The following GRID1 variants were observed in gnomAD, a reference collection of about 807,000 sequenced individuals.
GRID1 encodes glutamate ionotropic receptor delta type subunit 1, also known as glutamate receptor ionotropic, delta-1.
A neutral mutation model predicts 98.0 loss-of-function variants in GRID1; 28 were observed. The observed-to-expected ratio is 0.29, with a 90% confidence interval of 0.21 to 0.39. The LOEUF is 0.39. Ranked by LOEUF, GRID1 falls within the 10% of genes least tolerant of loss-of-function variation. GRID1 has a pLI of 1.00. For synonymous variants in GRID1, 553 were observed against 538.5 expected, an observed-to-expected ratio of 1.03 and a Z score of -0.37; for missense variants, 1,111 against 1,340.5, an observed-to-expected ratio of 0.83 and a Z score of 2.67.
intron 2 of GRID1, among the ~76,000 whole-genome samples, chr10:86,319,532 C>G (rs984320327): frequency 3.3e-5 from 5 of 152,180 alleles, no homozygotes; most frequent in African/African-American, 1.2e-4. Context: ...TCCCCTCCCC[C>G]TGCCCCAGGC....
chr10:86,245,465 CGCTTTACTCCATTCCTCCTCTACCATTT>C (rs1413508136), intron 2 of GRID1, among the ~76,000 whole-genome samples: 102,347 of 127,804 alleles, frequency 0.8, 45,162 homozygotes, highest in Non-Finnish European at 0.87. Flanking sequence ...CTCTACCATT[CGCTTTACTCCATTCCTCCTCTACCATTT>C]GCTTTACTCC....
chr10:86,268,426 C>T (rs1434622387), intron 2 of GRID1, among the ~76,000 whole-genome samples: 2 of 152,210 alleles, frequency 1.3e-5, no homozygotes, highest in Admixed American at 6.5e-5. Flanking sequence ...CAGGACCGTC[C>T]GTGATGGACA....
Position 85,613,440 on chromosome 10 carries a change from G to T in GRID1, c.2568C>A (p.Asn856Lys). 6.2e-7 allele frequency: 1 copy of T among 1,613,754 alleles called. No individual in the cohort carries two copies. Among genetic ancestry groups the T allele is most frequent in the Non-Finnish European group, 8.5e-7 (1 of 1,179,996 alleles). ...CLVAALELWW[N>K]SNRCHQETPK... is the part of the protein sequence containing the mutation. ...GGGTCTCCTGGTGGCACCGGTTGCT[G>T]TTCCACCACAACTCCAGGGCAGCCA... The change falls in exon 15 of 16, where the codon AAC (asparagine) becomes AAA (lysine). Residue 856 changes from asparagine to lysine, a missense_variant. Transcript: ENST00000327946.
At chr10:85,735,421 A>T (rs1050369055) in intron 8 of GRID1, among the ~76,000 whole-genome samples, 1 of 152,178 alleles carries the variant, frequency 6.6e-6, no homozygotes, top group African/African-American at 2.4e-5. Flanking sequence ...ATGACAAACA[A>T]CTGTGCAAGA....
At chr10:85,838,272 G>A (rs1401035055) in intron 8 of GRID1, among the ~76,000 whole-genome samples, 2 of 152,138 alleles carry the variant, frequency 1.3e-5, no homozygotes, top group African/African-American at 4.8e-5. Flanking sequence ...CCCCAACCTA[G>A]CTAGAGAGGT....
chr10:85,797,147 C>G (rs1464188670), intron 8 of GRID1, among the ~76,000 whole-genome samples: 2 of 152,042 alleles, frequency 1.3e-5, no homozygotes, highest in Non-Finnish European at 2.9e-5. Context: ...TGGTATGAAG[C>G]TGTTAAATTT....
chr10:86,177,006 A>T (rs1845584487), intron 3 of GRID1, among the ~76,000 whole-genome samples: 3 of 152,122 alleles, frequency 2.0e-5, no homozygotes, highest in African/African-American at 7.2e-5. Flanking sequence ...CAGATTCAGC[A>T]TCTGTGAGAC....
At chr10:86,259,992 T>C (rs1846987653) in intron 2 of GRID1, among the ~76,000 whole-genome samples, 1 of 152,256 alleles carries the variant, frequency 6.6e-6, no homozygotes, top group African/African-American at 2.4e-5. Flanking sequence ...CGCTGGCTTG[T>C]GTTCAGCCAA....
At chr10:86,104,707 A>C (rs1274300409) in intron 4 of GRID1, among the ~76,000 whole-genome samples, 1 of 152,126 alleles carries the variant, frequency 6.6e-6, no homozygotes, top group Non-Finnish European at 1.5e-5. Flanking sequence ...GGCCCTCAGG[A>C]CCACAGGGCT....
intron 4 of GRID1, among the ~76,000 whole-genome samples, chr10:86,087,390 G>A (rs1463198784): frequency 6.6e-6 from 1 of 150,394 alleles, no homozygotes; most frequent in African/African-American, 2.4e-5. Context: ...GCATAATGGA[G>A]TCTGTGTGTG....
At chr10:86,081,320 G>C (rs751254467) in intron 4 of GRID1, among the ~76,000 whole-genome samples, 3 of 152,178 alleles carry the variant, frequency 2.0e-5, no homozygotes, top group African/African-American at 7.2e-5. Context: ...AGAGCTGACT[G>C]ATATGATCCA....
chr10:86,212,923 T>C (rs1250820236), intron 2 of GRID1, among the ~76,000 whole-genome samples: 1 of 152,092 alleles, frequency 6.6e-6, no homozygotes, highest in African/African-American at 2.4e-5. Context: ...TGGGTGGTGG[T>C]GCTGTAAGAG....
At chr10:85,775,101 AT>A (rs1168834055) in intron 8 of GRID1, among the ~76,000 whole-genome samples, 2 of 152,330 alleles carry the variant, frequency 1.3e-5, no homozygotes, top group Admixed American at 6.5e-5. Context: ...GATAGACTGG[AT>A]TAAGAAAATG....
At chr10:85,925,440 G>A (rs1362521025) in intron 4 of GRID1, among the ~76,000 whole-genome samples, 1 of 152,224 alleles carries the variant, frequency 6.6e-6, no homozygotes, top group Non-Finnish European at 1.5e-5. Flanking sequence ...AGCCTCTGCA[G>A]TGTGCACTGT....
intron 4 of GRID1, among the ~76,000 whole-genome samples, chr10:85,944,607 G>A (rs555086107): frequency 9.2e-5 from 14 of 152,118 alleles, no homozygotes; most frequent in Non-Finnish European, 1.8e-4. Flanking sequence ...TGGCTGTATT[G>A]GGGGAGGAGG....
At chr10:86,263,521 C>T (rs1471818431) in intron 2 of GRID1, among the ~76,000 whole-genome samples, 2 of 152,240 alleles carry the variant, frequency 1.3e-5, no homozygotes, top group Admixed American at 1.3e-4. Flanking sequence ...CCGCCCCCTT[C>T]GCCAGCACCT....
intron 4 of GRID1, among the ~76,000 whole-genome samples, chr10:85,993,607 G>A (rs1209032612): frequency 2.6e-5 from 4 of 152,138 alleles, no homozygotes; most frequent in Non-Finnish European, 5.9e-5. Flanking sequence ...AAGGTTTAGA[G>A]AAACTAGGTA....
intron 4 of GRID1, among the ~76,000 whole-genome samples, chr10:86,047,696 C>A (rs1327487681): frequency 6.6e-6 from 1 of 152,026 alleles, no homozygotes; most frequent in African/African-American, 2.4e-5. Flanking sequence ...GGAGCCACCT[C>A]AGTGCCCTCC....
intron 2 of GRID1, among the ~76,000 whole-genome samples, chr10:86,208,563 C>T (rs986634828): frequency 4.6e-5 from 7 of 152,200 alleles, no homozygotes; most frequent in Non-Finnish European, 7.3e-5. Flanking sequence ...CTCTTCAATC[C>T]TGATGCTCAC....
Sources: allele counts gnomAD v4.1 joint callset (sites outside exome capture counted in the v4.1 genomes callset), GRCh38; gene constraint gnomAD v4.1.1; transcripts MANE v1.5; gene names NCBI Gene and HGNC (gene_info 2026-07-23, HGNC 2026-07-21).